The following TGS1 variants were observed in gnomAD, a reference collection of about 807,000 sequenced individuals.
TGS1 encodes trimethylguanosine synthase.
TGS1 carries 69 observed loss-of-function variants against 92.2 expected under a neutral mutation model. The ratio of observed to expected loss-of-function variants is 0.75; its 90% CI spans 0.62 to 0.91. The LOEUF (loss-of-function observed/expected upper bound fraction) is 0.91. Ranked by LOEUF, TGS1 falls within the 40% of genes least tolerant of loss-of-function variation. The pLI, the probability that TGS1 is intolerant of heterozygous loss-of-function variation, is 0.00. For synonymous variants in TGS1, 345 were observed against 338.1 expected, an observed-to-expected ratio of 1.02 and a Z score of -0.22; for missense variants, 1,062 against 1,001.2, an observed-to-expected ratio of 1.06 and a Z score of -0.82.
At chr8:55,805,445 A>G (rs1400108106) in intron 10 of TGS1, among the ~76,000 whole-genome samples, 5 of 152,248 alleles carry the variant, frequency 3.3e-5, no homozygotes, top group Non-Finnish European at 5.9e-5. Context: ...ATCATTTACT[A>G]CCATAAAATA....
At chr8:55,793,184 A>G (rs1470700639) in intron 6 of TGS1, among the ~76,000 whole-genome samples, 3 of 152,238 alleles carry the variant, frequency 2.0e-5, no homozygotes, top group African/African-American at 4.8e-5. Flanking sequence ...CTCTTTTTCT[A>G]TTATGAAAGA....
intron 1 of TGS1, among the ~76,000 whole-genome samples, chr8:55,776,297 T>C (rs910784360): frequency 6.6e-6 from 1 of 150,520 alleles, no homozygotes; most frequent in Non-Finnish European, 1.5e-5. Flanking sequence ...TTTTTTTTTT[T>C]TGAGACAGAG....
At chr8:55,797,219 T>G (rs1812082735) in intron 7 of TGS1, among the ~76,000 whole-genome samples, 1 of 152,052 alleles carries the variant, frequency 6.6e-6, no homozygotes, top group Non-Finnish European at 1.5e-5. Context: ...AACAACTCCT[T>G]CTTCACATGG....
intron 11 of TGS1, among the ~76,000 whole-genome samples, chr8:55,811,543 C>T (rs970570575): frequency 2.0e-5 from 3 of 151,090 alleles, no homozygotes; most frequent in Non-Finnish European, 2.9e-5. Context: ...AGGTGGATCA[C>T]GAGGTCAGGA....
chr8:55,806,736 A>G (rs1309428100), intron 10 of TGS1, among the ~76,000 whole-genome samples: 1 of 152,180 alleles, frequency 6.6e-6, no homozygotes, highest in Admixed American at 6.5e-5. Flanking sequence ...ATAAACTGAG[A>G]CATAAAGAGA....
Position 55,786,360 on chromosome 8 carries a change from A to C in TGS1, c.462A>C (p.Ser154=), listed in dbSNP as rs1203038983. ...KEYEEDDILA[S]DDPSSIEQYE... is the part of the protein sequence containing the mutation. ...ATGAAGAAGACGACATTTTGGCTTCAGATGATCCATCTTCAATTGAACAGT... is the reference window on the plus strand; with the variant it reads ...ATGAAGAAGACGACATTTTGGCTTCCGATGATCCATCTTCAATTGAACAGT... The change falls in exon 4 of 13, where the codon TCA becomes TCC. Residue 154 remains serine (S), a synonymous_variant. Transcript: ENST00000260129. 1 of 1,613,596 alleles carries C rather than the reference A, an allele frequency of 6.2e-7. No homozygotes were observed. Among genetic ancestry groups the C allele is most frequent in the African/African-American group, 1.3e-5 (1 of 75,058 alleles).
chr8:55,777,402 C>T (rs1005315263), intron 1 of TGS1, among the ~76,000 whole-genome samples: 1 of 151,758 alleles, frequency 6.6e-6, no homozygotes, highest in Non-Finnish European at 1.5e-5. Context: ...GGTATAGCAA[C>T]AATCCCCCCA....
Position 55,799,065 on chromosome 8 carries a change from CTAA to C in TGS1, c.1699_1701del (p.Asn567del). The C allele has an allele frequency of 6.2e-7, 1 of 1,614,164 alleles. No individual in the cohort carries two copies. Among genetic ancestry groups the C allele is most frequent in the South Asian group, 1.1e-5 (1 of 91,088 alleles). ...AAAAAAGGTGATGACCTACTGGAGA[CTAA>C]TAATCCAGAACCTGAAAAGTGTCAG... On this transcript the variant is annotated inframe_deletion, in exon 8 of 13. Transcript: ENST00000260129.
chr8:55,780,160 CTT>C (rs56871302), intron 1 of TGS1, among the ~76,000 whole-genome samples: 40 of 130,918 alleles, frequency 3.1e-4, no homozygotes, highest in Non-Finnish European at 3.7e-4. Flanking sequence ...TCTGGCATGG[CTT>C]TTTTTTTTTT....
chr8:55,821,591 C>T (rs919282090), intron 12 of TGS1, among the ~76,000 whole-genome samples: 5 of 152,026 alleles, frequency 3.3e-5, no homozygotes, highest in Non-Finnish European at 5.9e-5. Flanking sequence ...TAATAACCAT[C>T]GGCCAGGCAC....
intron 10 of TGS1, among the ~76,000 whole-genome samples, chr8:55,807,578 A>G (rs947188558): frequency 6.6e-6 from 1 of 151,812 alleles, no homozygotes; most frequent in African/African-American, 2.4e-5. Context: ...CCCAGGCTAA[A>G]GTGTAGTGGC....
In TGS1 at chr8:55,786,469, A is replaced by C. The variant is rs1207479181; in HGVS notation, c.571A>C (p.Lys191Gln). Residue 191 changes from lysine to glutamine, a missense_variant, in exon 4 of 13, where the codon AAG (lysine) becomes CAG (glutamine). Coordinates refer to ENST00000260129, the MANE Select transcript of TGS1 (RefSeq NM_024831.8). ...NPPVENTLSPKLEITEKWEKY... is the reference protein window; with the variant it reads ...NPPVENTLSPQLEITEKWEKY... ...TCCAGTTGAAAACACATTATCTCCA[A>C]AGCTAGAAATTACAGAGAAATGGGA... The C allele has an allele frequency of 6.2e-7, 1 of 1,614,024 alleles. No homozygotes were observed. Among genetic ancestry groups the C allele is most frequent in the Admixed American group, 1.7e-5 (1 of 59,998 alleles).
At chr8:55,817,021 C>T (rs1243800777) in intron 12 of TGS1, among the ~76,000 whole-genome samples, 7 of 152,076 alleles carry the variant, frequency 4.6e-5, no homozygotes, top group South Asian at 2.1e-4. Flanking sequence ...CACACCACCA[C>T]GCCCAGCTAA....
chr8:55,785,917 T>TTC (rs765053202), intron 3 of TGS1, 26 bp downstream of exon 3: 1 of 1,548,040 alleles, frequency 6.5e-7, no homozygotes, highest in Non-Finnish European at 8.8e-7. Context: ...CTTTTATTAT[T>TTC]TCTCTCTCTT....
At chr8:55,814,232 G>A (rs1803411689) in intron 12 of TGS1, among the ~76,000 whole-genome samples, 1 of 152,090 alleles carries the variant, frequency 6.6e-6, no homozygotes, top group East Asian at 1.9e-4. Context: ...ATAGGTGTGA[G>A]CCACCACGCG....
chr8:55,776,111 C>G (rs1260504727), intron 1 of TGS1, among the ~76,000 whole-genome samples: 1 of 151,946 alleles, frequency 6.6e-6, no homozygotes, highest in African/African-American at 2.4e-5. Flanking sequence ...TCTCAAGAGC[C>G]GAGCAACCCG....
In TGS1 at chr8:55,805,005, T is replaced by C. The variant is rs780754321; in HGVS notation, c.2112T>C (p.Asn704=). 4 of 1,613,894 alleles carry C rather than the reference T, an allele frequency of 2.5e-6. No individual in the cohort carries two copies. In the African/African-American group the frequency reaches 4.0e-5, roughly 16 times the overall value. The change falls in exon 10 of 13, where the codon AAT becomes AAC. Residue 704 remains asparagine, a synonymous_variant. Coordinates refer to ENST00000260129, the MANE Select transcript of TGS1 (RefSeq NM_024831.8). ...ACGCATTCTGTGGAGTTGGAGGAAATACCATTCAGTTTGCCTTAACAGGAA... is the reference window on the plus strand; with the variant it reads ...ACGCATTCTGTGGAGTTGGAGGAAACACCATTCAGTTTGCCTTAACAGGAA... ...VVDAFCGVGG[N]TIQFALTGMR... is the part of the protein sequence containing the mutation.
intron 5 of TGS1, among the ~76,000 whole-genome samples, chr8:55,792,396 T>C (rs998702872): frequency 6.6e-6 from 1 of 152,242 alleles, no homozygotes; most frequent in African/African-American, 2.4e-5. Flanking sequence ...CTTTTACTGA[T>C]GTTTTTCCAA....
chr8:55,798,870 GTT>G, intron 7 of TGS1, 42 bp from the exon 8 acceptor site: 2 of 1,461,976 alleles, frequency 1.4e-6, no homozygotes, highest in Non-Finnish European at 1.9e-6. Context: ...ATTCTGTGTA[GTT>G]TGGAATTAAT....
Sources: allele counts gnomAD v4.1 joint callset (sites outside exome capture counted in the v4.1 genomes callset), GRCh38; gene constraint gnomAD v4.1.1; transcripts MANE v1.5; gene names NCBI Gene and HGNC (gene_info 2026-07-23, HGNC 2026-07-21).